Variants in GRIA2 observed in about 807,000 individuals in gnomAD.
GRIA2 encodes the protein glutamate receptor 2.
GRIA2 carries 14 observed loss-of-function variants against 97.3 expected under a neutral mutation model. That is an observed-to-expected ratio of 0.14 (90% confidence interval 0.10 to 0.23). The LOEUF is 0.23. Ranked by LOEUF, GRIA2 falls within the 10% of genes least tolerant of loss-of-function variation. The pLI is 1.00. For missense variants in GRIA2, 558 were observed against 1,069.8 expected (o/e 0.52, Z 6.67); for synonymous variants, 412 against 387.8 (o/e 1.06, Z -0.73).
intron 2 of GRIA2, among the ~76,000 whole-genome samples, chr4:157,288,674 A>G (rs774129942): frequency 3.9e-4 from 59 of 151,800 alleles, no homozygotes; most frequent in Admixed American, 8.6e-4. Flanking sequence ...AGAACTACAG[A>G]AGATTTAGCC....
At chr4:157,289,427 A>G (rs1284325895) in intron 2 of GRIA2, among the ~76,000 whole-genome samples, 6 of 151,848 alleles carry the variant, frequency 4.0e-5, no homozygotes, top group Non-Finnish European at 5.9e-5. Context: ...CGAATACTTG[A>G]TGTAAATACA....
At chr4:157,223,876 A>G (rs1436862734) in intron 2 of GRIA2, among the ~76,000 whole-genome samples, 1 of 152,172 alleles carries the variant, frequency 6.6e-6, no homozygotes, top group Admixed American at 6.5e-5. Context: ...ATGCTAAACT[A>G]CTGTATTGGG....
At chr4:157,296,310 A>G (rs1157102430) in intron 2 of GRIA2, among the ~76,000 whole-genome samples, 2 of 152,144 alleles carry the variant, frequency 1.3e-5, no homozygotes, top group East Asian at 1.9e-4. Context: ...TTGTTTTGAC[A>G]TGATTTCAGA....
intron 15 of GRIA2, 45 bp downstream of exon 15, chr4:157,363,092 T>G: frequency 6.4e-7 from 1 of 1,554,802 alleles, no homozygotes; most frequent in Non-Finnish European, 8.7e-7. Flanking sequence ...CACGTTTAGC[T>G]TTCTTGTTGC....
At chr4:157,240,073 G>A in intron 2 of GRIA2, among the ~76,000 whole-genome samples, 1 of 151,728 alleles carries the variant, frequency 6.6e-6, no homozygotes, top group Admixed American at 6.6e-5. Context: ...TTCTTCATAT[G>A]CTTTAAATAC....
intron 2 of GRIA2, among the ~76,000 whole-genome samples, chr4:157,284,715 C>T (rs1034663598): frequency 1.3e-5 from 2 of 151,656 alleles, no homozygotes; most frequent in African/African-American, 4.8e-5. Flanking sequence ...AGCAGATTGA[C>T]TATCTTCTGT....
intron 2 of GRIA2, among the ~76,000 whole-genome samples, chr4:157,295,683 C>G (rs979583956): frequency 1.3e-5 from 2 of 151,910 alleles, no homozygotes; most frequent in African/African-American, 4.8e-5. Flanking sequence ...TAAAATAACC[C>G]CATTAATGCA....
At chr4:157,335,498 T>G in intron 9 of GRIA2, 173 bp from the exon 10 acceptor site, 1 of 593,068 alleles carries the variant, frequency 1.7e-6, no homozygotes, top group East Asian at 2.8e-5. Flanking sequence ...TTCCGAGGCT[T>G]TCTGGGGGGA....
In GRIA2 at chr4:157,364,604, A is replaced by T. The variant is rs1242306052; in HGVS notation, c.*1173A>T. ...TTCCATTTTTAAAGTGTTTGAGCTT[A>T]CAGAAGAGAAACATTCATTTTAAAT... On this transcript the variant is annotated 3_prime_UTR_variant, in exon 16 of 16. Coordinates refer to ENST00000264426, the MANE Select transcript of GRIA2 (RefSeq NM_001083619.3). The T allele has an allele frequency of 6.6e-6, 1 of 152,220 alleles. No individual in the cohort carries two copies. Among genetic ancestry groups the T allele is most frequent in the Non-Finnish European group, 1.5e-5 (1 of 67,826 alleles). 9.4% of individuals were successfully genotyped at this position (152,220 alleles called of 1,614,324 possible).
chr4:157,287,722 C>T (rs1173225291), intron 2 of GRIA2, among the ~76,000 whole-genome samples: 1 of 151,020 alleles, frequency 6.6e-6, no homozygotes, highest in African/African-American at 2.4e-5. Context: ...TTTATTTCAT[C>T]CCCTTGCCAG....
intron 2 of GRIA2, among the ~76,000 whole-genome samples, chr4:157,286,449 A>T (rs1315809151): frequency 6.6e-6 from 1 of 151,384 alleles, no homozygotes; most frequent in Non-Finnish European, 1.5e-5. Context: ...TTTTTTTTGG[A>T]GAGTTAAAAA....
Position 157,335,883 on chromosome 4 carries a change from T to C in GRIA2, c.1473+6T>C. On this transcript the variant is annotated splice_donor_region_variant and intron_variant, in intron 10 of 15. Coordinates refer to ENST00000264426, the MANE Select transcript of GRIA2 (RefSeq NM_001083619.3). ...TTGGAGAACTTGTATATGGGGTAAGTATAGCTCTTCTCATAGATAAAGTCA... is the reference window on the plus strand; with the variant it reads ...TTGGAGAACTTGTATATGGGGTAAGCATAGCTCTTCTCATAGATAAAGTCA... The C allele has an allele frequency of 6.5e-7, 1 of 1,549,676 alleles. No individual in the cohort carries two copies. Among genetic ancestry groups the C allele is most frequent in the Non-Finnish European group, 8.9e-7 (1 of 1,124,344 alleles).
upstream of GRIA2, chr4:157,220,509 C>A (rs771511795): frequency 6.6e-6 from 1 of 152,016 alleles, no homozygotes; most frequent in African/African-American, 2.4e-5. Flanking sequence ...GCGCCGCGCA[C>A]GCGACGCGTC....
intron 2 of GRIA2, among the ~76,000 whole-genome samples, chr4:157,281,556 T>C (rs1732595355): frequency 6.6e-6 from 1 of 152,168 alleles, no homozygotes; most frequent in South Asian, 2.1e-4. Flanking sequence ...TTCAAGAGAA[T>C]CTTCTGCTTT....
intron 2 of GRIA2, among the ~76,000 whole-genome samples, chr4:157,258,267 A>G (rs1018931718): frequency 1.3e-5 from 2 of 152,124 alleles, no homozygotes; most frequent in Admixed American, 6.6e-5. Context: ...AAAAGCAAAT[A>G]GGAGAAATAT....
chr4:157,262,850 T>C (rs960236306), intron 2 of GRIA2, among the ~76,000 whole-genome samples: 1 of 152,022 alleles, frequency 6.6e-6, no homozygotes, highest in Admixed American at 6.6e-5. Flanking sequence ...TTTGCTTCTA[T>C]TTTCCATGTA....
chr4:157,260,161 A>G (rs1253724893), intron 2 of GRIA2, among the ~76,000 whole-genome samples: 2 of 152,114 alleles, frequency 1.3e-5, no homozygotes, highest in Non-Finnish European at 2.9e-5. Flanking sequence ...TCCATTGCAG[A>G]GAAGCTATAT....
rs1736787716 is a variant in GRIA2, at chr4:157,364,437, G to A, written c.*1006G>A. On this transcript the variant is annotated 3_prime_UTR_variant, in exon 16 of 16. Transcript: ENST00000264426. ...TTTCAAATGTAATCTTGCCCCCAAAGTAATATCTGAATATCTTTTTGACAT... is the reference window on the plus strand; with the variant it reads ...TTTCAAATGTAATCTTGCCCCCAAAATAATATCTGAATATCTTTTTGACAT... 6.6e-6 allele frequency: 1 copy of A among 151,526 alleles called. No individual in the cohort carries two copies. Among genetic ancestry groups the A allele is most frequent in the African/African-American group, 2.4e-5 (1 of 41,270 alleles). 9.4% of individuals were successfully genotyped at this position (151,526 alleles called of 1,614,324 possible). A position where few individuals can be genotyped will look rare whatever the true frequency, so the allele number is the denominator to read the frequency against.
In GRIA2 at chr4:157,361,614, G is replaced by C. The variant is rs1422211484; in HGVS notation, c.2406+490G>C. On this transcript the variant is annotated intron_variant, in intron 14 of 15. Coordinates refer to ENST00000264426, the MANE Select transcript of GRIA2 (RefSeq NM_001083619.3). The surrounding 1 kb of genome is among the most constrained non-coding windows in gnomAD (Gnocchi z 5.2). ...CAAGCTGAAAAACAAATGGTGGTAC[G>C]ATAAAGGTGAATGTGGAGCCAAGGA... 1 of 1,612,924 alleles carries C rather than the reference G, an allele frequency of 6.2e-7. No homozygotes were observed. The highest frequency in any genetic ancestry group is 8.5e-7 in the Non-Finnish European group (1 of 1,179,100).
Sources: allele counts gnomAD v4.1 joint callset (sites outside exome capture counted in the v4.1 genomes callset), GRCh38; gene constraint gnomAD v4.1.1; non-coding constraint Gnocchi (gnomAD v3.1); transcripts MANE v1.5; gene names NCBI Gene and HGNC (gene_info 2026-07-23, HGNC 2026-07-21).